Variants in ADGRV1 observed in about 807,000 individuals in gnomAD.
ADGRV1 encodes the protein adhesion G protein-coupled receptor V1, also known as G-protein coupled receptor 98.
A neutral mutation model predicts 596.2 loss-of-function variants in ADGRV1; 359 were observed. That is an observed-to-expected ratio of 0.60 (90% CI 0.55 to 0.66). The LOEUF (loss-of-function observed/expected upper bound fraction) is 0.66, where lower values mean the gene tolerates loss of function less well. Ranked by LOEUF, ADGRV1 falls within the 30% of genes least tolerant of loss-of-function variation. The pLI is 0.00. For synonymous variants in ADGRV1, 2,681 were observed against 2,679.2 expected, an observed-to-expected ratio of 1.00 and a Z score of -0.02; for missense variants, 7,274 against 7,575.6, an observed-to-expected ratio of 0.96 and a Z score of 1.48.
At chr5:90,600,932 C>T (rs181771752) in intron 1 of ADGRV1, among the ~76,000 whole-genome samples, 126 of 152,240 alleles carry the variant, frequency 8.3e-4, no homozygotes, top group African/African-American at 3.0e-3. Context: ...AATATCCTTT[C>T]ACTTAGAAGC....
intron 1 of ADGRV1, among the ~76,000 whole-genome samples, chr5:90,595,162 G>A (rs1306332949): frequency 3.9e-5 from 4 of 102,538 alleles, no homozygotes; most frequent in South Asian, 3.5e-4. Context: ...CGGGTGGGGG[G>A]CTGACCCCCC....
chr5:90,797,546 C>A (rs553995045), intron 70 of ADGRV1, among the ~76,000 whole-genome samples: 1 of 152,276 alleles, frequency 6.6e-6, no homozygotes, highest in East Asian at 1.9e-4. Context: ...TAACACCCCA[C>A]TGTCAATATT....
intron 87 of ADGRV1, among the ~76,000 whole-genome samples, chr5:91,111,765 G>T (rs894676117): frequency 1.3e-5 from 2 of 152,094 alleles, no homozygotes; most frequent in Non-Finnish European, 2.9e-5. Flanking sequence ...GAAGCCAAGG[G>T]AGGCTGGGAC....
At chr5:90,719,625 G>A (rs1750647733) in intron 43 of ADGRV1, among the ~76,000 whole-genome samples, 1 of 151,970 alleles carries the variant, frequency 6.6e-6, no homozygotes, top group Non-Finnish European at 1.5e-5. Context: ...ACCACTATTG[G>A]TTTGTCTGTT....
chr5:90,745,516 G>T (rs770673464), intron 51 of ADGRV1, 75 bp from the exon 52 acceptor site: 2 of 982,446 alleles, frequency 2.0e-6, no homozygotes, highest in Admixed American at 2.5e-5. Context: ...ATCAATTAAT[G>T]TAATGAGTAG....
intron 34 of ADGRV1, among the ~76,000 whole-genome samples, chr5:90,703,188 T>C (rs1748127192): frequency 2.0e-5 from 3 of 152,086 alleles, no homozygotes; most frequent in Non-Finnish European, 2.9e-5. Context: ...ATGGTATATG[T>C]AAGTTACAAC....
intron 1 of ADGRV1, among the ~76,000 whole-genome samples, chr5:90,570,147 C>T (rs1368696670): frequency 1.3e-5 from 2 of 152,118 alleles, no homozygotes; most frequent in Admixed American, 1.3e-4. Context: ...CACATAGTGT[C>T]TCACTTTTTG....
At position 91,103,139 on chromosome 5, in the gene ADGRV1, A is replaced by G. The variant is rs572911757; in HGVS notation, c.18432+799A>G. ...AATTGTAGCATACAATTGAAATGTG[A>G]CTCCAGTCATTTTTTAGGTTTGCAC... On this transcript the variant is annotated intron_variant, in intron 87 of 89. Coordinates refer to ENST00000405460, the MANE Select transcript of ADGRV1 (RefSeq NM_032119.4). Among the ~76,000 whole-genome samples, 15 of 152,156 alleles carry G rather than the reference A, an allele frequency of 9.9e-5. No individual in the cohort carries two copies. The South Asian group carries it at 2.9e-3, about 29-fold the overall frequency.
chr5:90,830,963 G>C (rs896342930), intron 77 of ADGRV1, among the ~76,000 whole-genome samples: 1 of 152,058 alleles, frequency 6.6e-6, no homozygotes, highest in South Asian at 2.1e-4. Context: ...TGTCTGATAG[G>C]CTTTGACTTG....
At chr5:90,874,122 C>T (rs964077526) in intron 83 of ADGRV1, among the ~76,000 whole-genome samples, 1 of 152,178 alleles carries the variant, frequency 6.6e-6, no homozygotes. Context: ...CCCTCAGGAT[C>T]AGTCTCTGCC....
intron 50 of ADGRV1, among the ~76,000 whole-genome samples, chr5:90,740,832 G>T (rs1753867543): frequency 1.3e-5 from 2 of 152,160 alleles, no homozygotes; most frequent in Non-Finnish European, 2.9e-5. Context: ...ACAGTTCCCG[G>T]GGAATCTCTT....
Position 90,763,891 on chromosome 5 carries a change from T to A in ADGRV1, c.12285+422T>A, listed in dbSNP as rs2443060. Reference sequence around the variant, plus strand: ...TATATGACTGTGTAGTATTCCATGGTGTATATCTATAACATTTTCTTTATC... The same window carrying A: ...TATATGACTGTGTAGTATTCCATGGAGTATATCTATAACATTTTCTTTATC... On this transcript the variant is annotated intron_variant, in intron 59 of 89. Transcript: ENST00000405460. Among the ~76,000 whole-genome samples, 62,341 of 152,064 alleles carry A rather than the reference T, an allele frequency of 0.41. 13,229 individuals are homozygous for A. The highest frequency in any genetic ancestry group is 0.56 in the Admixed American group (8,490 of 15,284).
chr5:91,034,740 C>T (rs777896270), intron 85 of ADGRV1, among the ~76,000 whole-genome samples: 7 of 152,160 alleles, frequency 4.6e-5, no homozygotes, highest in Non-Finnish European at 8.8e-5. Context: ...CTGCCAAATT[C>T]TAAAAGTACA....
At chr5:90,692,516 T>C (rs1353620476) in intron 31 of ADGRV1, 89 bp from the exon 32 acceptor site, 2 of 941,118 alleles carry the variant, frequency 2.1e-6, no homozygotes, top group Non-Finnish European at 3.2e-6. Flanking sequence ...TGTACTTGTA[T>C]GTATATGTTT....
chr5:91,158,012 C>G (rs781247079), intron 89 of ADGRV1, among the ~76,000 whole-genome samples: 1 of 152,192 alleles, frequency 6.6e-6, no homozygotes, highest in Non-Finnish European at 1.5e-5. Context: ...TTAGCCAAAT[C>G]GTTAACCACC....
Position 91,064,729 on chromosome 5 carries a change from A to T in ADGRV1, c.18153-7718A>T, listed in dbSNP as rs564772949. 2.0e-3 allele frequency among the ~76,000 whole-genome samples: 302 copies of T among 152,320 alleles called. 1 individual carries two copies. The highest frequency in any genetic ancestry group is 3.4e-3 in the Non-Finnish European group (234 of 68,016). On this transcript the variant is annotated intron_variant, in intron 85 of 89. Coordinates refer to ENST00000405460, the MANE Select transcript of ADGRV1 (RefSeq NM_032119.4). The stretch of plus-strand genomic sequence containing the variant: ...CTACAACAGAAAGACAGGAAGAGGA[A>T]TATATTTTCCTACCTTACAACTGTT...
chr5:90,781,384 G>C (rs772646416), intron 64 of ADGRV1, 46 bp from the exon 65 acceptor site: 6 of 1,373,050 alleles, frequency 4.4e-6, no homozygotes, highest in African/African-American at 1.4e-5. Flanking sequence ...TGTATTTTTT[G>C]TTGTTGTTGT....
In ADGRV1 at chr5:90,907,216, A is replaced by C. The variant is rs932191623; in HGVS notation, c.17856+43359A>C. 3.3e-5 allele frequency among the ~76,000 whole-genome samples: 5 copies of C among 152,318 alleles called. No individual in the cohort carries two copies. In the South Asian group the frequency reaches 8.3e-4, roughly 25 times the overall value. On this transcript the variant is annotated intron_variant, in intron 83 of 89. Transcript: ENST00000405460. ...TTCCCAAATATAGTTTGGAAATCAA[A>C]TGACTTATAAAAAACAAAATAGTTA...
chr5:91,093,313 G>A lies in ADGRV1; in HGVS notation c.18311-8906G>A, dbSNP rs1171144878. On this transcript the variant is annotated intron_variant, in intron 86 of 89. Coordinates refer to ENST00000405460, the MANE Select transcript of ADGRV1 (RefSeq NM_032119.4). Reference sequence around the variant, plus strand: ...TTCCTCCATGGATCATATCTTAAACGACTAGTGTACCTTAGACCCACTGCT... The same window carrying A: ...TTCCTCCATGGATCATATCTTAAACAACTAGTGTACCTTAGACCCACTGCT... Among the ~76,000 whole-genome samples the A allele has an allele frequency of 3.3e-5, 5 of 152,172 alleles. No individual in the cohort carries two copies. The East Asian group carries it at 9.6e-4, about 29-fold the overall frequency.
Sources: gnomAD v4.1 joint callset for allele counts (sites outside exome capture counted in the v4.1 genomes callset) on GRCh38, gnomAD v4.1.1 for gene constraint, MANE v1.5 for transcripts, NCBI Gene and HGNC (gene_info 2026-07-23, HGNC 2026-07-21) for gene names.